CLASP1: variants seen among roughly 807,000 people sequenced by gnomAD.
CLASP1 encodes CLIP-associating protein 1.
In CLASP1, 38 loss-of-function variants were observed where a neutral mutation model predicts 192.3. The ratio of observed to expected loss-of-function variants is 0.20; its 90% CI spans 0.15 to 0.26. The LOEUF (loss-of-function observed/expected upper bound fraction) is 0.26. CLASP1 is among the 10% of genes least tolerant of loss of function. The pLI, the probability that CLASP1 is intolerant of heterozygous loss-of-function variation, is 1.00. For missense variants in CLASP1, 1,433 were observed against 1,932.5 expected (o/e 0.74, Z 4.85); for synonymous variants, 691 against 712.8 (o/e 0.97, Z 0.49).
chr2:121,547,153 A>G (rs1430117991), intron 2 of CLASP1, among the ~76,000 whole-genome samples: 2 of 152,144 alleles, frequency 1.3e-5, no homozygotes, highest in South Asian at 2.1e-4. Context: ...ACATCTCCTC[A>G]TCGGCAGGTC....
chr2:121,421,788 C>G, intron 22 of CLASP1, among the ~76,000 whole-genome samples: 1 of 152,166 alleles, frequency 6.6e-6, no homozygotes, highest in Non-Finnish European at 1.5e-5. Flanking sequence ...AGGGATTCAT[C>G]CACCTCGGCC....
chr2:121,626,694 G>A (rs1037031917), intron 1 of CLASP1, among the ~76,000 whole-genome samples: 1 of 151,894 alleles, frequency 6.6e-6, no homozygotes, highest in Non-Finnish European at 1.5e-5. Context: ...CAAAACACTG[G>A]GATTACAGAT....
Position 121,509,517 on chromosome 2 carries a change from C to T in CLASP1, c.644+6148G>A, listed in dbSNP as rs546037110. On this transcript the variant is annotated intron_variant, in intron 7 of 39. Transcript: ENST00000263710. ...GTACATGGAACATTATCCAGGAGTC[C>T]ACATGCCAGGCCACAAAAATAAGCC... Among the ~76,000 whole-genome samples, 5 of 152,222 alleles carry T rather than the reference C, an allele frequency of 3.3e-5. No individual in the cohort carries two copies. In the South Asian group the frequency reaches 1.0e-3, roughly 32 times the overall value.
intron 9 of CLASP1, among the ~76,000 whole-genome samples, chr2:121,469,580 C>T (rs752582169): frequency 6.6e-6 from 1 of 152,138 alleles, no homozygotes; most frequent in South Asian, 2.1e-4. Context: ...CTGCAGGCTC[C>T]ACCTTACTAG....
At chr2:121,486,965 C>T (rs182760092) in intron 8 of CLASP1, among the ~76,000 whole-genome samples, 2 of 152,336 alleles carry the variant, frequency 1.3e-5, no homozygotes, top group Admixed American at 1.3e-4. Context: ...CTGAATCAAA[C>T]TCACGTACAA....
chr2:121,621,673 CTATCT>C (rs2067373627), intron 1 of CLASP1, among the ~76,000 whole-genome samples: 1 of 152,154 alleles, frequency 6.6e-6, no homozygotes, highest in Non-Finnish European at 1.5e-5. Context: ...ATCTATATGT[CTATCT>C]TTATGCCAGT....
At chr2:121,404,386 A>T in exon 26 of CLASP1, 1 of 1,612,582 alleles carries the variant, frequency 6.2e-7, no homozygotes, top group Non-Finnish European at 8.5e-7. Flanking sequence ...TATGAGGGTC[A>T]GCAAACATCC....
At position 121,618,483 on chromosome 2, in the gene CLASP1, A is replaced by ATTT. The variant is rs1224171239; in HGVS notation, c.-285-12304_-285-12303insAAA. On this transcript the variant is annotated intron_variant, in intron 1 of 39. Coordinates refer to ENST00000263710, the Ensembl canonical transcript of CLASP1. ...TCACAGAACTGGTTCCCAACCTGTA[A>ATTT]ACATTGCTGATCCTCACTCCTGGGA... Among the ~76,000 whole-genome samples, 10 of 152,244 alleles carry ATTT rather than the reference A, an allele frequency of 6.6e-5. No homozygotes were observed. The East Asian group carries it at 1.9e-3, about 29-fold the overall frequency.
chr2:121,531,079 TA>T (rs1179611134), intron 2 of CLASP1: 1 of 686,942 alleles, frequency 1.5e-6, no homozygotes, highest in Non-Finnish European at 2.7e-6. Context: ...ACTTTGTGGT[TA>T]AACCAGTAGA....
intron 2 of CLASP1, chr2:121,531,050 A>G: frequency 1.4e-6 from 1 of 697,640 alleles, no homozygotes; most frequent in Non-Finnish European, 2.6e-6. Flanking sequence ...AAACAGCAGT[A>G]ATTCGTAAAT....
chr2:121,426,109 C>T (rs573950512), intron 21 of CLASP1, among the ~76,000 whole-genome samples: 1 of 152,196 alleles, frequency 6.6e-6, no homozygotes, highest in South Asian at 2.1e-4. Flanking sequence ...CACACCACTG[C>T]ACTTCAGACC....
intron 2 of CLASP1, among the ~76,000 whole-genome samples, chr2:121,582,141 C>A (rs146781950): frequency 6.7e-6 from 1 of 148,164 alleles, no homozygotes; most frequent in Non-Finnish European, 1.5e-5. Flanking sequence ...CCAGCCTGGG[C>A]GACAGATAAT....
Position 121,461,207 on chromosome 2 carries a change from T to A in CLASP1, c.940-14A>T. On this transcript the variant is annotated splice_polypyrimidine_tract_variant and intron_variant, in intron 10 of 39. Coordinates refer to ENST00000263710, the Ensembl canonical transcript of CLASP1. Reference sequence around the variant, plus strand: ...GCTGGAATAAATCTGTAAGCAAAATTAATTTACAATCAATATAAAAACATG... The same window carrying A: ...GCTGGAATAAATCTGTAAGCAAAATAAATTTACAATCAATATAAAAACATG... 7.1e-7 allele frequency: 1 copy of A among 1,413,808 alleles called. No homozygotes were observed. Among genetic ancestry groups the A allele is most frequent in the Non-Finnish European group, 9.8e-7 (1 of 1,016,920 alleles). 87.6% of individuals were successfully genotyped at this position (1,413,808 alleles called of 1,614,324 possible).
chr2:121,464,683 T>C (rs1210369775), intron 9 of CLASP1, among the ~76,000 whole-genome samples: 1 of 152,202 alleles, frequency 6.6e-6, no homozygotes, highest in African/African-American at 2.4e-5. Flanking sequence ...CACCCACTTT[T>C]TGATGGGGTT....
intron 2 of CLASP1, among the ~76,000 whole-genome samples, chr2:121,604,068 C>T (rs983891656): frequency 6.6e-6 from 1 of 152,118 alleles, no homozygotes; most frequent in African/African-American, 2.4e-5. Flanking sequence ...GGATATTAAA[C>T]GTTCCCAACA....
intron 21 of CLASP1, among the ~76,000 whole-genome samples, chr2:121,425,524 T>C (rs532953611): frequency 6.6e-6 from 1 of 152,334 alleles, no homozygotes; most frequent in East Asian, 1.9e-4. Context: ...ACTGGTGGAA[T>C]AGCCTCCTTA....
chr2:121,554,032 AGT>A (rs1197505984), intron 2 of CLASP1, among the ~76,000 whole-genome samples: 2 of 151,350 alleles, frequency 1.3e-5, no homozygotes, highest in Non-Finnish European at 2.9e-5. Flanking sequence ...TAGGCAACAT[AGT>A]GAGATGCCAT....
In CLASP1 at chr2:121,352,700, G is replaced by T. The variant is rs542544588; in HGVS notation, c.4207-3982C>A. On this transcript the variant is annotated intron_variant, in intron 37 of 39. Coordinates refer to ENST00000263710, the Ensembl canonical transcript of CLASP1. The stretch of plus-strand genomic sequence containing the variant: ...GACAGAGTCTCACTCTATCATTCAG[G>T]CTGGAGTGCAATAGAGTCATCTGGG... Among the ~76,000 whole-genome samples the T allele has an allele frequency of 3.9e-5, 6 of 152,144 alleles. No homozygotes were observed. The South Asian group carries it at 8.3e-4, about 21-fold the overall frequency.
intron 14 of CLASP1, among the ~76,000 whole-genome samples, chr2:121,457,397 G>T (rs1451476001): frequency 6.6e-6 from 1 of 151,796 alleles, no homozygotes; most frequent in East Asian, 1.9e-4. Flanking sequence ...AATGTACAGG[G>T]AGTCCTCTCC....
Sources: gnomAD v4.1 joint callset for allele counts (sites outside exome capture counted in the v4.1 genomes callset) on GRCh38, gnomAD v4.1.1 for gene constraint, MANE v1.5 for transcripts, NCBI Gene and HGNC (gene_info 2026-07-23, HGNC 2026-07-21) for gene names.